Variants in TNS1 observed in about 807,000 individuals in gnomAD.
TNS1 encodes the protein tensin 1.
In TNS1, 62 loss-of-function variants were observed where a neutral mutation model predicts 168.6. The observed-to-expected ratio is 0.37, with a 90% CI of 0.30 to 0.45. TNS1 has a LOEUF of 0.45. Among genes scored for constraint, TNS1 ranks in the 20% least tolerant of loss-of-function variants. TNS1 has a pLI of 1.00. For synonymous variants in TNS1, 934 were observed against 933.2 expected (o/e 1.00, Z -0.02); for missense variants, 2,240 against 2,339.4 (o/e 0.96, Z 0.88).
intron 1 of TNS1, among the ~76,000 whole-genome samples, chr2:218,002,585 G>T (rs947388595): frequency 1.3e-5 from 2 of 151,440 alleles, no homozygotes; most frequent in African/African-American, 4.9e-5. Flanking sequence ...GGACTCCATT[G>T]GGGGGTGGGG....
chr2:217,975,314 C>T (rs183182025), intron 3 of TNS1, among the ~76,000 whole-genome samples: 9 of 152,286 alleles, frequency 5.9e-5, no homozygotes, highest in African/African-American at 1.9e-4. Context: ...CCACCCCCAA[C>T]ATCCTGACCC....
intron 5 of TNS1, 99 bp downstream of exon 5, chr2:217,907,111 A>G (rs1304816148): frequency 1.5e-6 from 1 of 672,358 alleles, no homozygotes; most frequent in Non-Finnish European, 2.7e-6. Context: ...TTCCCCAACC[A>G]CATCTGTCCA....
At chr2:217,840,098 C>G (rs2077423665) in intron 19 of TNS1, among the ~76,000 whole-genome samples, 1 of 152,230 alleles carries the variant, frequency 6.6e-6, no homozygotes, top group Non-Finnish European at 1.5e-5. Context: ...ATCTCCTGAT[C>G]ATCCCTGGAC....
At chr2:218,019,330 G>A (rs1193785097) in intron 1 of TNS1, among the ~76,000 whole-genome samples, 1 of 152,194 alleles carries the variant, frequency 6.6e-6, no homozygotes, top group Non-Finnish European at 1.5e-5. Flanking sequence ...TGACGGTGCT[G>A]ACATGCAAAC....
intron 18 of TNS1, among the ~76,000 whole-genome samples, chr2:217,869,240 C>T (rs1444736992): frequency 1.3e-5 from 2 of 152,142 alleles, no homozygotes; most frequent in African/African-American, 4.8e-5. Context: ...AGGCAGGCTC[C>T]AGGGAGGATG....
In TNS1 at chr2:217,893,885, G is replaced by T. The variant is rs571194862; in HGVS notation, c.595-324C>A. Among the ~76,000 whole-genome samples the T allele has an allele frequency of 1.3e-4, 20 of 152,356 alleles. No homozygotes were observed. In the South Asian group the frequency reaches 3.9e-3, roughly 30 times the overall value. On this transcript the variant is annotated intron_variant, in intron 9 of 32. Coordinates refer to ENST00000682258, the MANE Select transcript of TNS1 (RefSeq NM_001387777.1). ...AAAAAACAAACAAAAAGAAAGGCTT[G>T]GAGCTGATGACCCCAAGGTCCCTAC...
intron 3 of TNS1, 38 bp from the exon 4 acceptor site, chr2:217,920,274 T>C: frequency 1.4e-6 from 1 of 702,898 alleles, no homozygotes; most frequent in Non-Finnish European, 2.6e-6. Context: ...TGAGCATATC[T>C]TGTCTCTAGA....
intron 21 of TNS1, among the ~76,000 whole-genome samples, 179 bp downstream of exon 21, chr2:217,834,912 A>G (rs1386994355): frequency 6.6e-6 from 1 of 152,134 alleles, no homozygotes; most frequent in Non-Finnish European, 1.5e-5. Context: ...GACGACGGAG[A>G]AGACAATGGC....
chr2:217,911,429 C>T (rs1445648184), intron 4 of TNS1, among the ~76,000 whole-genome samples: 1 of 152,188 alleles, frequency 6.6e-6, no homozygotes, highest in Non-Finnish European at 1.5e-5. Flanking sequence ...CCTGCGAGTG[C>T]ACTTGCATAA....
rs1384300297 is a variant in TNS1 at position 218,033,785 on chromosome 2, G to A, written c.156+35C>T. ...CTGCCAACCGCCAGCTCCCGACTCGGGGCGTCGTCCCTCACCCATTCCCGC... is the reference window on the plus strand; with the variant it reads ...CTGCCAACCGCCAGCTCCCGACTCGAGGCGTCGTCCCTCACCCATTCCCGC... On this transcript the variant is annotated intron_variant, in intron 1 of 1. Coordinates refer to the TNS1 transcript ENST00000649572. This position sits in a 1 kb window ranked among gnomAD's most constrained non-coding sequence, Gnocchi z 4.3. Among the ~76,000 whole-genome samples the A allele has an allele frequency of 1.3e-5, 2 of 152,192 alleles. No homozygotes were observed. The highest frequency in any genetic ancestry group is 2.9e-5 in the Non-Finnish European group (2 of 68,034).
intron 19 of TNS1, among the ~76,000 whole-genome samples, chr2:217,837,548 G>A (rs984639003): frequency 5.9e-5 from 9 of 152,226 alleles, no homozygotes; most frequent in African/African-American, 1.4e-4. Flanking sequence ...GGTGGGGGGC[G>A]CATCAGGAGA....
intron 3 of TNS1, among the ~76,000 whole-genome samples, chr2:217,973,839 A>T: frequency 6.6e-6 from 1 of 152,266 alleles, no homozygotes; most frequent in East Asian, 1.9e-4. Context: ...CTAAGGGTTC[A>T]TAGCAGGTCT....
At chr2:218,027,767 G>A (rs1445503289) in intron 1 of TNS1, among the ~76,000 whole-genome samples, 1 of 152,206 alleles carries the variant, frequency 6.6e-6, no homozygotes, top group African/African-American at 2.4e-5. Context: ...AGTGGAGGAA[G>A]AGATGAGCAG....
chr2:217,981,445 A>G (rs569090957), intron 2 of TNS1, among the ~76,000 whole-genome samples: 1 of 152,354 alleles, frequency 6.6e-6, no homozygotes, highest in Admixed American at 6.5e-5. Flanking sequence ...GTGGGGGGGC[A>G]AATGGAGAAA....
intron 3 of TNS1, among the ~76,000 whole-genome samples, chr2:217,969,673 G>A (rs749279177): frequency 1.3e-5 from 2 of 152,078 alleles, no homozygotes; most frequent in Non-Finnish European, 2.9e-5. Flanking sequence ...ATAAACACAT[G>A]AAAAGACACT....
chr2:217,895,501 C>A (rs1952200785), intron 8 of TNS1, among the ~76,000 whole-genome samples: 1 of 152,188 alleles, frequency 6.6e-6, no homozygotes, highest in African/African-American at 2.4e-5. Flanking sequence ...TCTCACCACA[C>A]CGAACGGGAA....
At chr2:217,926,634 A>G (rs562544789) in intron 3 of TNS1, among the ~76,000 whole-genome samples, 231 of 152,334 alleles carry the variant, frequency 1.5e-3, no homozygotes, top group African/African-American at 5.1e-3. Context: ...ATTTACCCCA[A>G]GTGGAATAAC....
rs370368106 is a variant in TNS1 at position 217,913,468 on chromosome 2, G to A, written c.229-6217C>T. On this transcript the variant is annotated intron_variant, in intron 4 of 32. Coordinates refer to ENST00000682258, the MANE Select transcript of TNS1 (RefSeq NM_001387777.1). ...TTCAGTGGATATGGCTCTCCTCCCC[G>A]ACCTGGCCAGGGCACTGGAAGGCTG... 2.3e-3 allele frequency among the ~76,000 whole-genome samples: 351 copies of A among 152,046 alleles called. 1 individual carries two copies. Among genetic ancestry groups the A allele is most frequent in the African/African-American group, 7.6e-3 (316 of 41,478 alleles).
chr2:217,914,665 T>C (rs966083670), intron 4 of TNS1, among the ~76,000 whole-genome samples: 1 of 152,182 alleles, frequency 6.6e-6, no homozygotes, highest in Non-Finnish European at 1.5e-5. Context: ...TTTGTATTTT[T>C]AGTAGAGACG....
Sources: gnomAD v4.1 joint callset for allele counts (sites outside exome capture counted in the v4.1 genomes callset) on GRCh38, gnomAD v4.1.1 for gene constraint, Gnocchi (gnomAD v3.1) non-coding constraint, MANE v1.5 for transcripts, NCBI Gene and HGNC (gene_info 2026-07-23, HGNC 2026-07-21) for gene names.